The following PLPBP variants were observed in gnomAD, a reference collection of about 807,000 sequenced individuals.
The protein encoded by PLPBP is pyridoxal phosphate homeostasis protein.
A neutral mutation model predicts 31.2 loss-of-function variants in PLPBP; 21 were observed. The observed-to-expected ratio is 0.67, with a 90% confidence interval of 0.48 to 0.97. PLPBP has a LOEUF of 0.97. Among genes scored for constraint, PLPBP ranks in the 50% least tolerant of loss-of-function variants. The probability of loss-of-function intolerance (pLI) is 0.00; values close to 1 mark genes in which losing one functional copy is unlikely to be tolerated. For synonymous variants in PLPBP, 124 were observed against 135.6 expected (o/e 0.91, Z 0.59); for missense variants, 308 against 354.4 (o/e 0.87, Z 1.05).
At chr8:37,764,662 G>T (rs527762488) in intron 1 of PLPBP, among the ~76,000 whole-genome samples, 1 of 152,258 alleles carries the variant, frequency 6.6e-6, no homozygotes, top group South Asian at 2.1e-4. Flanking sequence ...CAATTACTTA[G>T]TTACCTAAGT....
intron 5 of PLPBP, among the ~76,000 whole-genome samples, chr8:37,773,844 C>A (rs912108659): frequency 1.3e-5 from 2 of 151,932 alleles, no homozygotes; most frequent in Non-Finnish European, 2.9e-5. Flanking sequence ...ATTTTTAAGA[C>A]CTAAGATTAT....
chr8:37,771,828 T>G (rs1255229930), intron 4 of PLPBP, among the ~76,000 whole-genome samples: 1 of 151,978 alleles, frequency 6.6e-6, no homozygotes, highest in Admixed American at 6.5e-5. Context: ...GGTGTAGTGG[T>G]GGGTGCCTGT....
In PLPBP at chr8:37,778,064, C is replaced by G. The variant is rs1304494265; in HGVS notation, c.788C>G (p.Ala263Gly). ...SKKPTPDKCA[A>G]DVKAPLEVAQ... The stretch of plus-strand genomic sequence containing the variant: ...AAACCCACCCCGGACAAGTGCGCAG[C>G]AGACGTGAAGGCCCCGCTGGAGGTG... The change falls in exon 8 of 8, where the codon GCA becomes GGA. Residue 263 changes from alanine to glycine, a missense_variant. Coordinates refer to ENST00000328195, the MANE Select transcript of PLPBP (RefSeq NM_007198.4). The G allele has an allele frequency of 1.9e-6, 3 of 1,613,638 alleles. No individual in the cohort carries two copies. Among genetic ancestry groups the G allele is most frequent in the Non-Finnish European group, 2.5e-6 (3 of 1,179,728 alleles).
At chr8:37,762,627 G>C (rs756281756), upstream of PLPBP, 1 of 1,548,824 alleles carries the variant, frequency 6.5e-7, no homozygotes. Context: ...ACGGGCTGCC[G>C]GGGGCCTGGG....
At chr8:37,770,095 T>A (rs934186927) in intron 4 of PLPBP, among the ~76,000 whole-genome samples, 1 of 152,198 alleles carries the variant, frequency 6.6e-6, no homozygotes, top group Non-Finnish European at 1.5e-5. Context: ...GTGCAGTCCC[T>A]ATCAGAATAC....
intron 4 of PLPBP, among the ~76,000 whole-genome samples, chr8:37,772,152 C>G (rs1803787067): frequency 6.6e-6 from 1 of 152,092 alleles, no homozygotes; most frequent in Admixed American, 6.5e-5. Flanking sequence ...GTTATGTAAA[C>G]TGTGATAATC....
intron 1 of PLPBP, among the ~76,000 whole-genome samples, chr8:37,763,330 A>G (rs547225073): frequency 1.3e-5 from 2 of 152,252 alleles, no homozygotes; most frequent in East Asian, 3.9e-4. Context: ...GTGTATATAT[A>G]TATTACATCC....
intron 3 of PLPBP, 151 bp downstream of exon 3, chr8:37,765,897 G>T: frequency 1.2e-6 from 1 of 842,274 alleles, no homozygotes; most frequent in Non-Finnish European, 1.9e-6. Flanking sequence ...TCCTCCTTGA[G>T]CCCCAAGTAA....
At chr8:37,775,188 A>G (rs1803868296) in intron 5 of PLPBP, 151 bp from the exon 6 acceptor site, 3 of 789,064 alleles carry the variant, frequency 3.8e-6, no homozygotes, top group Admixed American at 5.8e-5. Flanking sequence ...GAAAACCCCA[A>G]GTATAAAGTT....
At chr8:37,777,062 C>G (rs1422227048) in intron 7 of PLPBP, among the ~76,000 whole-genome samples, 1 of 152,278 alleles carries the variant, frequency 6.6e-6, no homozygotes, top group East Asian at 1.9e-4. Flanking sequence ...CCACTGCACC[C>G]GTCCGAGGCT....
At chr8:37,775,140 T>C in intron 5 of PLPBP, 199 bp from the exon 6 acceptor site, 1 of 478,404 alleles carries the variant, frequency 2.1e-6, no homozygotes, top group East Asian at 3.4e-5. Context: ...GTTCTTTTCT[T>C]GAGAAATTTA....
At chr8:37,763,305 G>A (rs994318707) in intron 1 of PLPBP, among the ~76,000 whole-genome samples, 6 of 152,192 alleles carry the variant, frequency 3.9e-5, no homozygotes, top group African/African-American at 1.4e-4. Flanking sequence ...CGGTTAAGGG[G>A]AGCTTTCGTC....
intron 5 of PLPBP, among the ~76,000 whole-genome samples, chr8:37,774,175 C>T (rs775582807): frequency 1.3e-5 from 2 of 152,074 alleles, no homozygotes; most frequent in Non-Finnish European, 2.9e-5. Flanking sequence ...CGCGCCACTG[C>T]ACTCCAGCCT....
Position 37,775,954 on chromosome 8 carries a change from C to G in PLPBP, c.634C>G (p.Leu212Val). 1 of 1,614,058 alleles carries G rather than the reference C, an allele frequency of 6.2e-7. No individual in the cohort carries two copies. Among genetic ancestry groups the G allele is most frequent in the Non-Finnish European group, 8.5e-7 (1 of 1,179,962 alleles). Reference protein sequence around the residue: ...LSLREELCKKLNIPADQVELS... With the variant: ...LSLREELCKKVNIPADQVELS... ...CCTCCGGGAGGAGCTGTGTAAAAAGCTGAACATCCCTGCTGACCAGGTTGA... is the reference window on the plus strand; with the variant it reads ...CCTCCGGGAGGAGCTGTGTAAAAAGGTGAACATCCCTGCTGACCAGGTTGA... Residue 212 changes from leucine (L) to valine (V), a missense_variant, in exon 7 of 8, where the codon CTG becomes GTG. Physicochemically the swap from Leu to Val is conservative, Grantham distance 32. Coordinates refer to ENST00000328195, the MANE Select transcript of PLPBP (RefSeq NM_007198.4).
chr8:37,765,043 G>T lies in PLPBP; in HGVS notation c.100-483G>T, dbSNP rs777979823. On this transcript the variant is annotated intron_variant, in intron 1 of 7. Transcript: ENST00000328195. ...GAATTAGTCAGGCATGGTGATGCATGCCTGTAATCCCAGCTACTCAGGAGG... is the reference window on the plus strand; with the variant it reads ...GAATTAGTCAGGCATGGTGATGCATTCCTGTAATCCCAGCTACTCAGGAGG... Among the ~76,000 whole-genome samples, 3 of 152,160 alleles carry T rather than the reference G, an allele frequency of 2.0e-5. No homozygotes were observed. In the South Asian group the frequency reaches 6.2e-4, roughly 32 times the overall value.
At chr8:37,774,216 A>T (rs138141874) in intron 5 of PLPBP, among the ~76,000 whole-genome samples, 430 of 152,300 alleles carry the variant, frequency 2.8e-3, no homozygotes, top group African/African-American at 5.5e-3. Context: ...ATCTCAAAAA[A>T]AAATAAATAA....
chr8:37,776,034 GC>G lies in PLPBP; in HGVS notation c.696+21del, dbSNP rs1803898007. ...AGCATGCGGTGAGTGTCCTGCCAGTGCCCTGTCTGCCTCGAGGGGTGGGGGT... is the reference window on the plus strand; with the variant it reads ...AGCATGCGGTGAGTGTCCTGCCAGTGCCTGTCTGCCTCGAGGGGTGGGGGT... On this transcript the variant is annotated intron_variant, in intron 7 of 7. Transcript: ENST00000328195. 4 of 1,603,818 alleles carry G rather than the reference GC, an allele frequency of 2.5e-6. No individual in the cohort carries two copies. The highest frequency in any genetic ancestry group is 1.7e-4 in the Middle Eastern group (1 of 5,944).
At chr8:37,766,415 CT>C in intron 4 of PLPBP, 60 bp downstream of exon 4, 1 of 1,508,378 alleles carries the variant, frequency 6.6e-7, no homozygotes, top group Admixed American at 2.0e-5. Flanking sequence ...TTCTACTACC[CT>C]TTGTGGAAGA....
Position 37,762,691 on chromosome 8 carries a change from T to C in PLPBP, c.32T>C (p.Leu11Pro). 6.3e-7 allele frequency: 1 copy of C among 1,590,656 alleles called. No individual in the cohort carries two copies. Among genetic ancestry groups the C allele is most frequent in the African/African-American group, 1.3e-5 (1 of 74,824 alleles). The part of the protein sequence containing the change: MWRAGSMSAE[L>P]GVGCALRAVN... ...AGAGCTGGCAGCATGTCGGCCGAGC[T>C]GGGAGTCGGGTGCGCATTGCGGGCG... is the stretch of plus-strand genomic sequence containing the variant. Residue 11 changes from leucine to proline, a missense_variant, in exon 1 of 8, where the codon CTG (leucine) becomes CCG (proline). Physicochemically the swap from Leu to Pro is moderately conservative, Grantham distance 98. Around this residue, in one of 2 missense-constraint regions of PLPBP, gnomAD observed 120 missense variants for 95.1 expected, o/e 1.26. Transcript: ENST00000328195.
Sources: allele counts gnomAD v4.1 joint callset (sites outside exome capture counted in the v4.1 genomes callset), GRCh38; gene constraint gnomAD v4.1.1; regional missense constraint gnomAD v4.1.1; transcripts MANE v1.5; gene names NCBI Gene and HGNC (gene_info 2026-07-23, HGNC 2026-07-21).